DOCK3: variants seen among roughly 807,000 people sequenced by gnomAD.
DOCK3 encodes the protein dedicator of cytokinesis 3, also known as dedicator of cytokinesis protein 3.
Under a neutral mutation model 265.6 loss-of-function variants are expected in DOCK3, and 60 were observed. The observed-to-expected ratio is 0.23, with a 90% CI of 0.18 to 0.28. DOCK3 has a LOEUF of 0.28. Among genes scored for constraint, DOCK3 ranks in the 10% least tolerant of loss-of-function variants. DOCK3 has a pLI of 1.00. For synonymous variants in DOCK3, 881 were observed against 938.0 expected (o/e 0.94, Z 1.11); for missense variants, 1,981 against 2,594.3 (o/e 0.76, Z 5.14).
At chr3:50,849,379 TACACATATATACACACACAC>T (rs1004567097) in intron 3 of DOCK3, among the ~76,000 whole-genome samples, 6 of 150,240 alleles carry the variant, frequency 4.0e-5, no homozygotes, top group Admixed American at 2.0e-4. Context: ...CACGCACACA[TACACATATATACACACACAC>T]ACACATACAC....
At chr3:51,299,232 T>G (rs2082254209) in intron 27 of DOCK3, among the ~76,000 whole-genome samples, 1 of 152,192 alleles carries the variant, frequency 6.6e-6, no homozygotes, top group Non-Finnish European at 1.5e-5. Flanking sequence ...TTGAGAAGTG[T>G]CTGTTCATCT....
At chr3:50,787,926 T>C (rs1447979124) in intron 2 of DOCK3, 1 of 1,027,428 alleles carries the variant, frequency 9.7e-7, no homozygotes, top group Non-Finnish European at 1.5e-6. Context: ...ACCTCCACTA[T>C]GATCTGCTCC....
intron 2 of DOCK3, among the ~76,000 whole-genome samples, chr3:50,838,542 A>G (rs2045644390): frequency 6.6e-6 from 1 of 152,208 alleles, no homozygotes; most frequent in African/African-American, 2.4e-5. Flanking sequence ...CAATCTGAAC[A>G]TCAAGGGGAG....
chr3:51,097,180 T>C (rs939911006), intron 9 of DOCK3, among the ~76,000 whole-genome samples: 3 of 152,142 alleles, frequency 2.0e-5, no homozygotes, highest in African/African-American at 4.8e-5. Flanking sequence ...GGCAGGAGCA[T>C]TTAAGTCTGC....
At chr3:51,127,221 G>A (rs2084304388) in intron 9 of DOCK3, among the ~76,000 whole-genome samples, 1 of 151,974 alleles carries the variant, frequency 6.6e-6, no homozygotes, top group Admixed American at 6.6e-5. Flanking sequence ...CCAGATTAAG[G>A]GTAGGTCTGC....
At chr3:51,277,971 T>C in intron 26 of DOCK3, 1 of 985,392 alleles carries the variant, frequency 1.0e-6, no homozygotes, top group Non-Finnish European at 1.2e-6. Flanking sequence ...AGGGCAGATC[T>C]GGGGAATGTT....
chr3:51,279,721 T>C (rs1342877541), intron 26 of DOCK3, among the ~76,000 whole-genome samples: 4 of 151,998 alleles, frequency 2.6e-5, no homozygotes, highest in African/African-American at 9.7e-5. Context: ...ATCGGCAGAG[T>C]CCAAATTCTG....
chr3:50,882,296 C>T (rs1291115320), intron 3 of DOCK3, among the ~76,000 whole-genome samples: 1 of 152,124 alleles, frequency 6.6e-6, no homozygotes, highest in Non-Finnish European at 1.5e-5. Context: ...AGCTTCTGCA[C>T]AGCAAAAGAA....
At chr3:51,250,081 C>T (rs1342052965) in intron 22 of DOCK3, among the ~76,000 whole-genome samples, 1 of 151,768 alleles carries the variant, frequency 6.6e-6, no homozygotes, top group Non-Finnish European at 1.5e-5. Context: ...GCAGCATGCT[C>T]ATTAAGAGTC....
chr3:51,262,416 A>C (rs755644241), intron 23 of DOCK3, among the ~76,000 whole-genome samples: 1 of 152,202 alleles, frequency 6.6e-6, no homozygotes, highest in Non-Finnish European at 1.5e-5. Context: ...CCGAAGGTCA[A>C]CAACATCAAA....
At chr3:50,997,734 T>C (rs1412830818) in intron 5 of DOCK3, among the ~76,000 whole-genome samples, 2 of 152,164 alleles carry the variant, frequency 1.3e-5, no homozygotes, top group Admixed American at 6.6e-5. Flanking sequence ...CACCTCACTC[T>C]TTTTGATGTT....
At chr3:51,291,156 C>G (rs1017660360) in intron 27 of DOCK3, among the ~76,000 whole-genome samples, 1 of 152,046 alleles carries the variant, frequency 6.6e-6, no homozygotes, top group Non-Finnish European at 1.5e-5. Context: ...GCAAAAGCAG[C>G]TCTGGGAGGG....
At chr3:51,008,391 T>C (rs1051440420) in intron 5 of DOCK3, among the ~76,000 whole-genome samples, 3 of 152,228 alleles carry the variant, frequency 2.0e-5, no homozygotes, top group Non-Finnish European at 4.4e-5. Flanking sequence ...TTTGAAGCAA[T>C]TGTGAATGGG....
At chr3:50,910,924 A>G (rs922539094) in intron 4 of DOCK3, among the ~76,000 whole-genome samples, 7 of 151,602 alleles carry the variant, frequency 4.6e-5, no homozygotes, top group Admixed American at 2.6e-4. Flanking sequence ...TGGTTGTTCA[A>G]TTTGGTGTTC....
At chr3:50,822,670 A>C (rs1173086305) in intron 2 of DOCK3, among the ~76,000 whole-genome samples, 1 of 149,358 alleles carries the variant, frequency 6.7e-6, no homozygotes, top group Non-Finnish European at 1.5e-5. Context: ...CTAATTTTTA[A>C]ATTTTTTTCA....
chr3:51,127,774 C>T (rs898208805), intron 9 of DOCK3, among the ~76,000 whole-genome samples: 1 of 152,194 alleles, frequency 6.6e-6, no homozygotes, highest in African/African-American at 2.4e-5. Context: ...CTCAGCAGGT[C>T]ATGGTTTTTT....
At chr3:50,898,678 G>A (rs2049021228) in intron 4 of DOCK3, 1 of 152,114 alleles carries the variant, frequency 6.6e-6, no homozygotes, top group Non-Finnish European at 1.5e-5. Context: ...GGTATGTTGT[G>A]TCTTCGTTCT....
intron 49 of DOCK3, among the ~76,000 whole-genome samples, chr3:51,371,043 G>A (rs1307420987): frequency 6.6e-6 from 1 of 152,208 alleles, no homozygotes; most frequent in Non-Finnish European, 1.5e-5. Flanking sequence ...GAAGCCTCAA[G>A]GCTCGTTTTT....
intron 1 of DOCK3, among the ~76,000 whole-genome samples, chr3:50,717,726 G>T (rs910841216): frequency 6.6e-6 from 1 of 152,118 alleles, no homozygotes; most frequent in Non-Finnish European, 1.5e-5. Flanking sequence ...TGGTTCAAGT[G>T]ATCCTCCTTC....
Sources: gnomAD v4.1 joint callset for allele counts (sites outside exome capture counted in the v4.1 genomes callset) on GRCh38, gnomAD v4.1.1 for gene constraint, MANE v1.5 for transcripts, NCBI Gene and HGNC (gene_info 2026-07-23, HGNC 2026-07-21) for gene names.